The following RAD51B variants were observed in gnomAD, a reference collection of about 807,000 sequenced individuals.
RAD51B encodes the protein RAD51 paralog B, also known as DNA repair protein RAD51 homolog 2.
Under a neutral mutation model 42.2 loss-of-function variants are expected in RAD51B, and 38 were observed. The observed-to-expected ratio is 0.90, with a 90% CI of 0.70 to 1.18. RAD51B has a LOEUF of 1.18. RAD51B is among the 50% of genes most tolerant of loss of function. RAD51B has a pLI of 0.00. For synonymous variants in RAD51B, 154 were observed against 145.2 expected (o/e 1.06, Z -0.43); for missense variants, 373 against 400.7 (o/e 0.93, Z 0.59).
At chr14:68,459,672 G>A (rs1390391066) in intron 9 of RAD51B, among the ~76,000 whole-genome samples, 1 of 152,198 alleles carries the variant, frequency 6.6e-6, no homozygotes, top group African/African-American at 2.4e-5. Context: ...AGCAGGACAG[G>A]AAATTGTGTA....
At chr14:68,357,841 A>G (rs1334690754) in intron 8 of RAD51B, among the ~76,000 whole-genome samples, 2 of 152,222 alleles carry the variant, frequency 1.3e-5, no homozygotes, top group Non-Finnish European at 2.9e-5. Flanking sequence ...TTCCATTTCT[A>G]GAGCACAGAC....
rs189111099 is a variant in RAD51B, at chr14:68,220,292, G to C, written c.757-71592G>C. Among the ~76,000 whole-genome samples, 46 of 152,308 alleles carry C rather than the reference G, an allele frequency of 3.0e-4. 1 individual carries two copies. The highest frequency in any genetic ancestry group is 1.1e-3 in the African/African-American group (45 of 41,560). Reference sequence around the variant, plus strand: ...ATAATTGAGGATTAAGTGGGTTTCAGATGCAGAGATGGTTTAACATATGTC... The same window carrying C: ...ATAATTGAGGATTAAGTGGGTTTCACATGCAGAGATGGTTTAACATATGTC... On this transcript the variant is annotated intron_variant, in intron 7 of 10. Coordinates refer to ENST00000471583, the MANE Select transcript of RAD51B (RefSeq NM_133510.4).
chr14:68,573,902 A>G (rs529618796), intron 10 of RAD51B, among the ~76,000 whole-genome samples: 2 of 151,970 alleles, frequency 1.3e-5, no homozygotes, highest in East Asian at 3.9e-4. Context: ...GCAGCACATG[A>G]GTATGGGCTG....
At chr14:67,889,595 C>T (rs1029521884) in intron 7 of RAD51B, among the ~76,000 whole-genome samples, 3 of 139,810 alleles carry the variant, frequency 2.1e-5, no homozygotes, top group South Asian at 2.2e-4. Flanking sequence ...CCCCCTTTCT[C>T]TATTTGAACT....
chr14:68,300,617 C>T (rs2081709819), intron 8 of RAD51B, among the ~76,000 whole-genome samples: 1 of 152,132 alleles, frequency 6.6e-6, no homozygotes, highest in Admixed American at 6.5e-5. Flanking sequence ...TCTTTTAGCC[C>T]CAGGTAACCT....
At chr14:68,243,584 G>T (rs2080436154) in intron 7 of RAD51B, among the ~76,000 whole-genome samples, 1 of 152,086 alleles carries the variant, frequency 6.6e-6, no homozygotes, top group South Asian at 2.1e-4. Context: ...TGTGGGTATG[G>T]TTTGGAGCCT....
intron 7 of RAD51B, among the ~76,000 whole-genome samples, chr14:68,091,958 C>A (rs1470391960): frequency 6.6e-6 from 1 of 152,168 alleles, no homozygotes; most frequent in East Asian, 1.9e-4. Flanking sequence ...AATAGGGAAT[C>A]CTTTCCCCAT....
At chr14:68,480,988 G>A (rs1883134559), downstream of RAD51B, among the ~76,000 whole-genome samples, 1 of 152,166 alleles carries the variant, frequency 6.6e-6, no homozygotes, top group Non-Finnish European at 1.5e-5. Flanking sequence ...GGGTAGTTCT[G>A]GATTTGGGAG....
chr14:67,861,527 G>A (rs563531709), intron 4 of RAD51B, among the ~76,000 whole-genome samples: 15 of 148,196 alleles, frequency 1.0e-4, no homozygotes, highest in African/African-American at 3.7e-4. Context: ...AGTAAGTTAT[G>A]TTCATGCCAC....
chr14:68,315,344 G>T (rs1044909132), intron 8 of RAD51B, among the ~76,000 whole-genome samples: 1 of 152,138 alleles, frequency 6.6e-6, no homozygotes, highest in Non-Finnish European at 1.5e-5. Flanking sequence ...ATCAAAGCAG[G>T]CCTCTTGGAC....
chr14:68,301,297 G>C (rs1290289595), intron 8 of RAD51B, among the ~76,000 whole-genome samples: 1 of 152,150 alleles, frequency 6.6e-6, no homozygotes, highest in East Asian at 1.9e-4. Flanking sequence ...AATGAAGCTA[G>C]AAAAGCCTCA....
chr14:68,395,866 CT>C (rs2083902145), intron 8 of RAD51B, among the ~76,000 whole-genome samples: 2 of 152,174 alleles, frequency 1.3e-5, no homozygotes, highest in Admixed American at 6.5e-5. Context: ...GAATCATTTA[CT>C]TCAAAAAATT....
intron 10 of RAD51B, among the ~76,000 whole-genome samples, chr14:68,529,736 A>T (rs142797023): frequency 6.6e-6 from 1 of 152,360 alleles, no homozygotes; most frequent in African/African-American, 2.4e-5. Flanking sequence ...TCCAAGCAAA[A>T]ATATTCAACA....
At chr14:68,458,684 T>C (rs1259975247) in intron 9 of RAD51B, among the ~76,000 whole-genome samples, 1 of 149,536 alleles carries the variant, frequency 6.7e-6, no homozygotes, top group Non-Finnish European at 1.5e-5. Context: ...TTATATATCA[T>C]ATTATTATAT....
At chr14:68,345,010 G>A (rs1424878608) in intron 8 of RAD51B, among the ~76,000 whole-genome samples, 1 of 151,840 alleles carries the variant, frequency 6.6e-6, no homozygotes, top group East Asian at 1.9e-4. Flanking sequence ...ACCTGCATGG[G>A]AACTGTAGCC....
downstream of RAD51B, among the ~76,000 whole-genome samples, chr14:68,478,642 C>T (rs989380797): frequency 4.6e-5 from 7 of 152,226 alleles, no homozygotes; most frequent in African/African-American, 1.7e-4. Context: ...ACCTATCTTA[C>T]CCAGGTTGTT....
chr14:67,891,064 A>C (rs2043204803), intron 7 of RAD51B, among the ~76,000 whole-genome samples: 1 of 152,104 alleles, frequency 6.6e-6, no homozygotes, highest in Non-Finnish European at 1.5e-5. Context: ...TTACTTTTTC[A>C]GAGAATTCAA....
At chr14:67,912,906 A>T (rs947817032) in intron 7 of RAD51B, among the ~76,000 whole-genome samples, 1 of 152,066 alleles carries the variant, frequency 6.6e-6, no homozygotes, top group East Asian at 1.9e-4. Context: ...GGGTTTCACC[A>T]TATTGGCCAG....
intron 8 of RAD51B, among the ~76,000 whole-genome samples, chr14:68,395,274 C>A (rs2083882967): frequency 6.6e-6 from 1 of 152,146 alleles, no homozygotes; most frequent in African/African-American, 2.4e-5. Flanking sequence ...TTCCTCCATA[C>A]AAAGCTGTTT....
Sources: allele counts gnomAD v4.1 joint callset (sites outside exome capture counted in the v4.1 genomes callset), GRCh38; gene constraint gnomAD v4.1.1; transcripts MANE v1.5; gene names NCBI Gene and HGNC (gene_info 2026-07-23, HGNC 2026-07-21).